The following AMPD3 variants were observed in gnomAD, a reference collection of about 807,000 sequenced individuals.
The protein encoded by AMPD3 is AMP deaminase 3.
A neutral mutation model predicts 82.3 loss-of-function variants in AMPD3; 57 were observed. The ratio of observed to expected loss-of-function variants is 0.69; its 90% CI spans 0.56 to 0.86. The LOEUF (loss-of-function observed/expected upper bound fraction) is 0.86, where lower values mean the gene tolerates loss of function less well. AMPD3 is among the 40% of genes least tolerant of loss of function. The pLI, the probability that AMPD3 is intolerant of heterozygous loss-of-function variation, is 0.00. For missense variants in AMPD3, 870 were observed against 1,003.8 expected, an observed-to-expected ratio of 0.87 and a Z score of 1.80; for synonymous variants, 381 against 394.7, an observed-to-expected ratio of 0.97 and a Z score of 0.41.
At chr11:10,484,381 CA>C (rs1849001891) in intron 4 of AMPD3, 1 of 985,262 alleles carries the variant, frequency 1.0e-6, no homozygotes, top group Non-Finnish European at 1.2e-6. Context: ...CAGTTATTCC[CA>C]CTGGGCAGTC....
At chr11:10,471,537 T>A (rs1402921745) in intron 2 of AMPD3, among the ~76,000 whole-genome samples, 1 of 151,862 alleles carries the variant, frequency 6.6e-6, no homozygotes, top group Non-Finnish European at 1.5e-5. Context: ...CAGGAGAAAA[T>A]TTTTTCAATC....
chr11:10,501,387 G>A, intron 11 of AMPD3, 83 bp from the exon 12 acceptor site: 1 of 1,576,426 alleles, frequency 6.3e-7, no homozygotes, highest in Non-Finnish European at 8.6e-7. Context: ...TCCCCCCGGA[G>A]CTGGCCCTGA....
intron 9 of AMPD3, 50 bp downstream of exon 9, chr11:10,495,783 C>G (rs1296599674): frequency 6.2e-7 from 1 of 1,609,652 alleles, no homozygotes; most frequent in Non-Finnish European, 8.5e-7. Context: ...AGGTGACAAT[C>G]TGTCCCTCAT....
chr11:10,488,702 G>T (rs1410154812), intron 6 of AMPD3, among the ~76,000 whole-genome samples: 4 of 152,168 alleles, frequency 2.6e-5, no homozygotes, highest in African/African-American at 9.7e-5. Context: ...TCGGGATCAG[G>T]CTTTGCTTGG....
Position 10,493,418 on chromosome 11 carries a change from T to C in AMPD3, c.1009T>C (p.Tyr337His), listed in dbSNP as rs1849297718. ...KHLLRFIKHTYQTEPDRTVAE... is the reference protein window; with the variant it reads ...KHLLRFIKHTHQTEPDRTVAE... ...TCTGCTGCGCTTCATCAAGCACACA[T>C]ACCAGACGGAGCCTGACAGGACTGT... is the stretch of plus-strand genomic sequence containing the variant. The change falls in exon 7 of 15, where the codon TAC (tyrosine) becomes CAC (histidine). Residue 337 changes from tyrosine (Y) to histidine (H), a missense_variant. Transcript: ENST00000396553. The C allele has an allele frequency of 1.2e-6, 2 of 1,614,188 alleles. No homozygotes were observed. Among genetic ancestry groups the C allele is most frequent in the Non-Finnish European group, 1.7e-6 (2 of 1,180,036 alleles).
chr11:10,503,528 C>G (rs1430643733), intron 13 of AMPD3, among the ~76,000 whole-genome samples: 1 of 152,152 alleles, frequency 6.6e-6, no homozygotes, highest in Non-Finnish European at 1.5e-5. Context: ...CCCCTTTATA[C>G]TCTTAAGAAT....
chr11:10,506,051 C>A lies in AMPD3; in HGVS notation c.*167C>A. 1 of 726,234 alleles carries A rather than the reference C, an allele frequency of 1.4e-6. No individual in the cohort carries two copies. 45.0% of individuals were successfully genotyped at this position (726,234 alleles called of 1,614,324 possible). ...ACTGCTCACTTTAAGAGTTAACATG[C>A]TCACTTGTTAGTATTTCTGAGTAAC... is the stretch of plus-strand genomic sequence containing the variant. On this transcript the variant is annotated 3_prime_UTR_variant, in exon 15 of 15. Transcript: ENST00000396553. This position sits in a 1 kb window ranked among gnomAD's most constrained non-coding sequence, Gnocchi z 4.1.
At chr11:10,465,425 C>A (rs1049504478) in intron 2 of AMPD3, among the ~76,000 whole-genome samples, 1 of 152,154 alleles carries the variant, frequency 6.6e-6, no homozygotes, top group African/African-American at 2.4e-5. Context: ...TTAAGGCTGG[C>A]AAGATGGCCA....
At chr11:10,486,767 C>A (rs1316096928) in intron 5 of AMPD3, 1 of 985,094 alleles carries the variant, frequency 1.0e-6, no homozygotes, top group Admixed American at 6.1e-5. Flanking sequence ...CAAACTCCTT[C>A]TTCAAGGAAT....
At chr11:10,487,903 C>T (rs905863592) in intron 6 of AMPD3, among the ~76,000 whole-genome samples, 4 of 152,072 alleles carry the variant, frequency 2.6e-5, no homozygotes, top group African/African-American at 4.8e-5. Context: ...GTGCAGCAAA[C>T]CACCATGGCA....
chr11:10,488,492 T>C, intron 6 of AMPD3: 1 of 900,700 alleles, frequency 1.1e-6, no homozygotes, highest in South Asian at 5.1e-5. Flanking sequence ...GTCAGAACAG[T>C]GTGTTGACAT....
intron 13 of AMPD3, 55 bp downstream of exon 13, chr11:10,502,949 G>C: frequency 1.0e-5 from 16 of 1,587,432 alleles, no homozygotes; most frequent in African/African-American, 1.3e-5. Context: ...GTCCTAGCCT[G>C]TCCTCCCATT....
intron 13 of AMPD3, 89 bp downstream of exon 13, chr11:10,502,983 A>T (rs1200080141): frequency 6.7e-7 from 1 of 1,483,378 alleles, no homozygotes; most frequent in East Asian, 2.3e-5. Context: ...CCCATGGCTT[A>T]GTTCTGCTTT....
chr11:10,492,735 G>A (rs774750340), intron 6 of AMPD3, among the ~76,000 whole-genome samples: 4 of 152,204 alleles, frequency 2.6e-5, no homozygotes, highest in Admixed American at 6.5e-5. Flanking sequence ...GGGACGGTCT[G>A]CACAACAATG....
At position 10,496,806 on chromosome 11, in the gene AMPD3, C is replaced by T. The variant is rs771024377; in HGVS notation, c.1431-6C>T. The T allele has an allele frequency of 5.6e-6, 9 of 1,614,040 alleles. No individual in the cohort carries two copies. In the South Asian group the frequency reaches 7.7e-5, roughly 14 times the overall value. On this transcript the variant is annotated splice_polypyrimidine_tract_variant and splice_region_variant and intron_variant, in intron 9 of 14. Transcript: ENST00000396553. ...ACCTGACAAGCGAGTCTTTGCTGTC[C>T]CCCAGTGACATATTTAGGTCAAAGA...
At chr11:10,461,452 T>A in intron 1 of AMPD3, 63 bp from the exon 2 acceptor site, 1 of 1,611,798 alleles carries the variant, frequency 6.2e-7, no homozygotes, top group South Asian at 1.1e-5. Flanking sequence ...TTCAGTGCCT[T>A]CTCTTCCCCG....
At chr11:10,470,689 C>A (rs1004582624) in intron 2 of AMPD3, among the ~76,000 whole-genome samples, 8 of 152,156 alleles carry the variant, frequency 5.3e-5, no homozygotes, top group African/African-American at 1.9e-4. Context: ...ACAGCCAAAT[C>A]ATGAGTGAAC....
At position 10,502,295 on chromosome 11, in the gene AMPD3, C is replaced by T. The variant is rs1041974214; in HGVS notation, c.1843-426C>T. The T allele has an allele frequency of 2.0e-5, 20 of 985,450 alleles. No individual in the cohort carries two copies. In the Admixed American group the frequency reaches 5.5e-4, roughly 27 times the overall value. 61.0% of individuals were successfully genotyped at this position (985,450 alleles called of 1,614,324 possible). On this transcript the variant is annotated intron_variant, in intron 12 of 14. Transcript: ENST00000396553. ...CTCCCATCCCTTCAGGGATCATCTC[C>T]CAGGAGCTGGAGTGTTTATAGTCTC...
In AMPD3 at chr11:10,482,243, G is replaced by C; in HGVS notation, c.589+18G>C. The C allele has an allele frequency of 1.2e-6, 2 of 1,610,406 alleles. No individual in the cohort carries two copies. The highest frequency in any genetic ancestry group is 1.7e-6 in the Non-Finnish European group (2 of 1,178,694). Reference sequence around the variant, plus strand: ...CCTTCCAGGTATGGAGCTCTGGCTGGAGGTTGGGTCCCAAGTGTGGGCAGA... The same window carrying C: ...CCTTCCAGGTATGGAGCTCTGGCTGCAGGTTGGGTCCCAAGTGTGGGCAGA... On this transcript the variant is annotated intron_variant, in intron 4 of 14. Coordinates refer to ENST00000396553, the MANE Select transcript of AMPD3 (RefSeq NM_001025389.2).
Sources: allele counts gnomAD v4.1 joint callset (sites outside exome capture counted in the v4.1 genomes callset), GRCh38; gene constraint gnomAD v4.1.1; non-coding constraint Gnocchi (gnomAD v3.1); transcripts MANE v1.5; gene names NCBI Gene and HGNC (gene_info 2026-07-23, HGNC 2026-07-21).